The following PCMTD2 variants were observed in gnomAD, a reference collection of about 807,000 sequenced individuals.
The protein encoded by PCMTD2 is protein-L-isoaspartate O-methyltransferase domain-containing protein 2.
PCMTD2 carries 16 observed loss-of-function variants against 33.4 expected under a neutral mutation model. The ratio of observed to expected loss-of-function variants is 0.48; its 90% confidence interval spans 0.32 to 0.73. The LOEUF (loss-of-function observed/expected upper bound fraction) is 0.73. PCMTD2 is among the 30% of genes least tolerant of loss of function. The pLI is 0.03. For synonymous variants in PCMTD2, 161 were observed against 160.8 expected (o/e 1.00, Z -0.01); for missense variants, 374 against 449.9 (o/e 0.83, Z 1.53).
In PCMTD2 at chr20:64,265,448, C is replaced by A. The variant is rs1023778288; in HGVS notation, c.582+19C>A. On this transcript the variant is annotated intron_variant, in intron 4 of 5. Transcript: ENST00000308824. ...AGAGAAGGTCAGATTCCCTTCATAA[C>A]TGACATTTCTGCACACTGTGTGCCA... 1.9e-6 allele frequency: 3 copies of A among 1,586,106 alleles called. No homozygotes were observed. Among genetic ancestry groups the A allele is most frequent in the African/African-American group, 2.7e-5 (2 of 74,382 alleles).
chr20:64,259,917 T>C lies in PCMTD2; in HGVS notation c.-24-25T>C, dbSNP rs994875217. ...TGCTCTTACCTTTAACATAAATCGC[T>C]CTTTTTAAACATTTTTAATTATAGT... On this transcript the variant is annotated intron_variant, in intron 1 of 5. Transcript: ENST00000308824. 5 of 1,225,204 alleles carry C rather than the reference T, an allele frequency of 4.1e-6. No individual in the cohort carries two copies. In the African/African-American group the frequency reaches 7.5e-5, roughly 18 times the overall value. 75.9% of individuals were successfully genotyped at this position (1,225,204 alleles called of 1,614,324 possible).
intron 1 of PCMTD2, among the ~76,000 whole-genome samples, chr20:64,259,587 A>G (rs1260028910): frequency 6.6e-6 from 1 of 151,908 alleles, no homozygotes; most frequent in Non-Finnish European, 1.5e-5. Flanking sequence ...ACGGGGTTTC[A>G]CCATGTTGGC....
At chr20:64,271,713 G>A (rs1985917212) in intron 5 of PCMTD2, 1 of 159,568 alleles carries the variant, frequency 6.3e-6, no homozygotes, top group South Asian at 1.8e-4. Context: ...GGATGGAAGA[G>A]GAAGAGCCTG....
chr20:64,273,320 A>G lies in PCMTD2; in HGVS notation c.806A>G (p.Asn269Ser), dbSNP rs1255386034. The G allele has an allele frequency of 6.2e-7, 1 of 1,614,144 alleles. No individual in the cohort carries two copies. Residue 269 changes from asparagine to serine, a missense_variant, in exon 6 of 6, where the codon AAC becomes AGC. Transcript: ENST00000308824. ...IHQETVSKNG[N>S]GLKNTPRFKR... is the part of the protein sequence containing the mutation. Reference sequence around the variant, plus strand: ...CAGGAAACTGTGAGCAAAAACGGAAACGGACTAAAGAACACCCCCAGGTTT... The same window carrying G: ...CAGGAAACTGTGAGCAAAAACGGAAGCGGACTAAAGAACACCCCCAGGTTT...
chr20:64,261,990 C>T (rs1450743550), intron 2 of PCMTD2, among the ~76,000 whole-genome samples: 8 of 152,068 alleles, frequency 5.3e-5, no homozygotes, highest in Admixed American at 5.2e-4. Flanking sequence ...TGGTGGCTCA[C>T]GCCTGTAATC....
Position 64,267,904 on chromosome 20 carries a change from C to G in PCMTD2, c.600C>G (p.Arg200=). The part of the protein sequence containing the change: ...PLEEKLTKIT[R]TGPSAWETKK... ...TGGGATAGTTGACTAAGATAACACG[C>G]ACAGGTCCTTCAGCTTGGGAAACCA... The change falls in exon 5 of 6, where the codon CGC becomes CGG. Residue 200 remains arginine (R), a synonymous_variant. Coordinates refer to ENST00000308824, the MANE Select transcript of PCMTD2 (RefSeq NM_018257.3). 1 of 1,613,552 alleles carries G rather than the reference C, an allele frequency of 6.2e-7. No individual in the cohort carries two copies. The highest frequency in any genetic ancestry group is 1.1e-5 in the South Asian group (1 of 91,066).
intron 5 of PCMTD2, among the ~76,000 whole-genome samples, chr20:64,268,276 G>A (rs1454942091): frequency 6.6e-6 from 1 of 152,178 alleles, no homozygotes; most frequent in East Asian, 1.9e-4. Context: ...ACATAAAAGG[G>A]AGCTCATTTT....
At position 64,267,941 on chromosome 20, in the gene PCMTD2, G is replaced by C. The variant is rs201727077; in HGVS notation, c.637G>C (p.Ala213Pro). The change falls in exon 5 of 6, where the codon GCT becomes CCT. Residue 213 changes from alanine (A) to proline (P), a missense_variant. By Grantham distance (27) the Ala-to-Pro change is conservative. Transcript: ENST00000308824. ...PSAWETKKIL[A>P]VSFAPLIQPC... ...AGCTTGGGAAACCAAAAAGATTCTT[G>C]CTGTTTCTTTTGCTCCTCTGATCCA... is the stretch of plus-strand genomic sequence containing the variant. 1.2e-6 allele frequency: 2 copies of C among 1,613,130 alleles called. No individual in the cohort carries two copies. Among genetic ancestry groups the C allele is most frequent in the Non-Finnish European group, 1.7e-6 (2 of 1,179,142 alleles).
chr20:64,260,287 A>C lies in PCMTD2; in HGVS notation c.307+15A>C, dbSNP rs1251674265. The C allele has an allele frequency of 6.4e-7, 1 of 1,573,170 alleles. No homozygotes were observed. The highest frequency in any genetic ancestry group is 1.4e-5 in the African/African-American group (1 of 73,900). The stretch of plus-strand genomic sequence containing the variant: ...CCTCATTCTAGGTAAGTGTGGAAGG[A>C]GAGTCTGAAAACTCATCTGTCTCAG... On this transcript the variant is annotated intron_variant, in intron 2 of 5. Transcript: ENST00000308824.
rs1382900369 is a variant in PCMTD2, at chr20:64,260,204, C to T, written c.239C>T (p.Pro80Leu). The change falls in exon 2 of 6, where the codon CCT (proline) becomes CTT (leucine). Residue 80 changes from proline to leucine, a missense_variant. Pro to Leu is a moderately conservative substitution (Grantham distance 98, BLOSUM62 -3). Coordinates refer to ENST00000308824, the MANE Select transcript of PCMTD2 (RefSeq NM_018257.3). ...GTGATGGAAGCCCTAGATCTGCAGC[C>T]TGGACTCTCGTTTCTGAACCTGGGC... ...SEVMEALDLQ[P>L]GLSFLNLGSG... is the part of the protein sequence containing the mutation. 6.2e-7 allele frequency: 1 copy of T among 1,613,854 alleles called. No homozygotes were observed. The highest frequency in any genetic ancestry group is 1.1e-5 in the South Asian group (1 of 91,070).
intron 2 of PCMTD2, 106 bp from the exon 3 acceptor site, chr20:64,264,323 G>A: frequency 1.5e-6 from 1 of 656,322 alleles, no homozygotes; most frequent in South Asian, 1.8e-5. Flanking sequence ...GTGAATGTCT[G>A]TAGTTACACA....
intron 5 of PCMTD2, chr20:64,272,240 G>C (rs1487962241): frequency 8.8e-6 from 4 of 457,142 alleles, no homozygotes; most frequent in Non-Finnish European, 1.3e-5. Flanking sequence ...GGTAATAAAC[G>C]TTGTGCACAA....
At position 64,268,014 on chromosome 20, in the gene PCMTD2, A is replaced by C; in HGVS notation, c.706+4A>C. 1 of 1,605,218 alleles carries C rather than the reference A, an allele frequency of 6.2e-7. No individual in the cohort carries two copies. The highest frequency in any genetic ancestry group is 1.1e-5 in the South Asian group (1 of 90,328). ...AAATCAAGACTTGTCCAGTTACGTA[A>C]GTATACCAATCTTTACTTATTTTAT... On this transcript the variant is annotated splice_donor_region_variant and intron_variant, in intron 5 of 5. Transcript: ENST00000308824.
intron 2 of PCMTD2, among the ~76,000 whole-genome samples, chr20:64,261,258 G>A (rs1218072979): frequency 1.4e-4 from 21 of 152,204 alleles, no homozygotes; most frequent in Admixed American, 5.9e-4. Flanking sequence ...GATAGGAGCT[G>A]ATCTGTAAAC....
intron 4 of PCMTD2, 199 bp downstream of exon 4, chr20:64,265,628 G>C (rs1447196630): frequency 2.4e-6 from 1 of 417,252 alleles, no homozygotes; most frequent in Non-Finnish European, 4.2e-6. Flanking sequence ...GTGCTTCAGA[G>C]CCTGCACGTG....
intron 2 of PCMTD2, among the ~76,000 whole-genome samples, chr20:64,260,765 A>T (rs1985381668): frequency 7.4e-6 from 1 of 135,484 alleles, no homozygotes; most frequent in African/African-American, 2.9e-5. Flanking sequence ...GAGTGCCGTG[A>T]CACGAGCAAG....
chr20:64,272,121 G>A, intron 5 of PCMTD2: 1 of 393,104 alleles, frequency 2.5e-6, no homozygotes. Context: ...AAAGGTTGAA[G>A]GGAGAAGGTG....
chr20:64,260,080 G>T lies in PCMTD2; in HGVS notation c.115G>T (p.Ala39Ser). 1 of 1,612,494 alleles carries T rather than the reference G, an allele frequency of 6.2e-7. No individual in the cohort carries two copies. The highest frequency in any genetic ancestry group is 2.2e-5 in the East Asian group (1 of 44,882). ...GCAGGCTTTCAGAGCTATCGATCGT[G>T]CAGACTATTATCTTGAAGAATTTAA... ...VEQAFRAIDR[A>S]DYYLEEFKEN... The change falls in exon 2 of 6, where the codon GCA becomes TCA. Residue 39 changes from alanine (A) to serine (S), a missense_variant. Ala to Ser is a moderately conservative substitution (Grantham distance 99, BLOSUM62 1). Transcript: ENST00000308824.
intron 2 of PCMTD2, chr20:64,262,974 A>C (rs922618618): frequency 6.6e-6 from 1 of 152,230 alleles, no homozygotes; most frequent in East Asian, 1.9e-4. Flanking sequence ...CTCCCCTGCT[A>C]GTCATCTTTG....
Sources: allele counts gnomAD v4.1 joint callset (sites outside exome capture counted in the v4.1 genomes callset), GRCh38; gene constraint gnomAD v4.1.1; transcripts MANE v1.5; gene names NCBI Gene and HGNC (gene_info 2026-07-23, HGNC 2026-07-21).